The following HDAC9 variants were observed in gnomAD, a reference collection of about 807,000 sequenced individuals.
HDAC9 encodes MEF-2 interacting transcription repressor (MITR) protein.
A neutral mutation model predicts 139.4 loss-of-function variants in HDAC9; 41 were observed. The ratio of observed to expected loss-of-function variants is 0.29; its 90% confidence interval spans 0.23 to 0.38. The LOEUF (loss-of-function observed/expected upper bound fraction) is 0.38, where lower values mean the gene tolerates loss of function less well. Among genes scored for constraint, HDAC9 ranks in the 10% least tolerant of loss-of-function variants. The pLI is 1.00. For synonymous variants in HDAC9, 517 were observed against 476.2 expected, an observed-to-expected ratio of 1.09 and a Z score of -1.12; for missense variants, 1,147 against 1,297.0, an observed-to-expected ratio of 0.88 and a Z score of 1.78.
intron 5 of HDAC9, 115 bp downstream of exon 5, chr7:18,591,757 A>C: frequency 7.3e-7 from 1 of 1,362,476 alleles, no homozygotes; most frequent in Non-Finnish European, 1.0e-6. Flanking sequence ...GGCTGTGGGC[A>C]AGTTCCTTCA....
chr7:18,923,394 T>C (rs1044633501), intron 22 of HDAC9, among the ~76,000 whole-genome samples: 4 of 152,084 alleles, frequency 2.6e-5, no homozygotes, highest in African/African-American at 9.7e-5. Context: ...TATAGACCCT[T>C]GTTGAAAGAT....
At chr7:18,090,921 A>T in intron 1 of HDAC9, among the ~76,000 whole-genome samples, 1 of 152,136 alleles carries the variant, frequency 6.6e-6, no homozygotes, top group Non-Finnish European at 1.5e-5. Flanking sequence ...TCTCCTTCAA[A>T]TCCCACTAGA....
chr7:18,135,255 CTT>C lies in HDAC9; in HGVS notation c.-96-26959_-96-26958del, dbSNP rs145963913. ...TGTGTTTGTTTGCAAAAATTTCTTT[CTT>C]TTTTTTTTTTTTTTAAAAAGGTAGT... On this transcript the variant is annotated intron_variant, in intron 1 of 12. Coordinates refer to the HDAC9 transcript ENST00000417496. Among the ~76,000 whole-genome samples the C allele has an allele frequency of 1.3e-3, 168 of 129,432 alleles. 2 individuals are homozygous for C. Among genetic ancestry groups the C allele is most frequent in the Middle Eastern group, 4.8e-3 (1 of 208 alleles). 84.9% of individuals were successfully genotyped at this position (129,432 alleles called of 152,430 possible).
At chr7:18,877,142 C>G (rs1056678271) in intron 22 of HDAC9, among the ~76,000 whole-genome samples, 1 of 152,086 alleles carries the variant, frequency 6.6e-6, no homozygotes, top group East Asian at 1.9e-4. Flanking sequence ...ATCTGGGCAA[C>G]TGTATATATT....
At chr7:18,943,966 C>G (rs1563075661) in intron 23 of HDAC9, among the ~76,000 whole-genome samples, 1 of 152,038 alleles carries the variant, frequency 6.6e-6, no homozygotes, top group Admixed American at 6.5e-5. Flanking sequence ...CTGATATTTC[C>G]CCCAATCTAT....
intron 16 of HDAC9, among the ~76,000 whole-genome samples, chr7:18,791,275 G>A (rs973810030): frequency 1.9e-4 from 29 of 150,892 alleles, no homozygotes; most frequent in African/African-American, 6.7e-4. Context: ...TTGAGTCACC[G>A]AATACATCTT....
chr7:18,346,238 T>C (rs1782411459), intron 1 of HDAC9, among the ~76,000 whole-genome samples: 1 of 152,284 alleles, frequency 6.6e-6, no homozygotes, highest in Admixed American at 6.5e-5. Flanking sequence ...AAATGTCTTA[T>C]GAATTATAAA....
chr7:18,986,385 A>G (rs1585487780), intron 25 of HDAC9, among the ~76,000 whole-genome samples: 1 of 50,626 alleles, frequency 2.0e-5, no homozygotes, highest in Non-Finnish European at 4.0e-5. Flanking sequence ...AGTTGTAGAT[A>G]TGTGGCATTA....
At chr7:18,433,620 A>G (rs1481069587) in intron 1 of HDAC9, among the ~76,000 whole-genome samples, 1 of 152,156 alleles carries the variant, frequency 6.6e-6, no homozygotes, top group East Asian at 1.9e-4. Context: ...CTGTACACCA[A>G]CAACATCCAA....
At chr7:18,433,890 C>G (rs1441633569) in intron 1 of HDAC9, among the ~76,000 whole-genome samples, 2 of 152,152 alleles carry the variant, frequency 1.3e-5, no homozygotes, top group African/African-American at 4.8e-5. Context: ...AAACTACCAA[C>G]CTTTTTCACA....
chr7:18,941,112 C>T (rs949876386), intron 23 of HDAC9, among the ~76,000 whole-genome samples: 3 of 151,814 alleles, frequency 2.0e-5, no homozygotes, highest in African/African-American at 7.2e-5. Context: ...TTTTGATTTC[C>T]CTCACTCTTT....
chr7:18,468,000 A>G (rs2128116995), intron 1 of HDAC9, among the ~76,000 whole-genome samples: 1 of 152,170 alleles, frequency 6.6e-6, no homozygotes, highest in East Asian at 1.9e-4. Context: ...TCATGGTTAG[A>G]CTTAGGTTAT....
chr7:18,479,827 A>G lies in HDAC9; in HGVS notation c.-41-16435A>G, dbSNP rs1563029515. ...TAACATTATTTTAATATTATGTAAT[A>G]TGGTAATGGTTTATTATATTACATA... is the stretch of plus-strand genomic sequence containing the variant. On this transcript the variant is annotated intron_variant, in intron 1 of 3. Transcript: ENST00000413509. 2.6e-5 allele frequency among the ~76,000 whole-genome samples: 4 copies of G among 152,012 alleles called. No homozygotes were observed. In the South Asian group the frequency reaches 8.3e-4, roughly 31 times the overall value.
At chr7:18,518,311 C>G (rs1803888517) in intron 2 of HDAC9, among the ~76,000 whole-genome samples, 1 of 152,178 alleles carries the variant, frequency 6.6e-6, no homozygotes, top group African/African-American at 2.4e-5. Context: ...CCCAAGGGAT[C>G]TGTGAATGAG....
chr7:18,240,181 C>T (rs1794097566), intron 2 of HDAC9, among the ~76,000 whole-genome samples: 1 of 152,076 alleles, frequency 6.6e-6, no homozygotes. Flanking sequence ...TTTATAACTG[C>T]AAATACTGTA....
At chr7:18,208,682 A>G (rs531246540) in intron 2 of HDAC9, among the ~76,000 whole-genome samples, 1 of 152,162 alleles carries the variant, frequency 6.6e-6, no homozygotes, top group Non-Finnish European at 1.5e-5. Context: ...GGCCTGTAAT[A>G]TATTTTAAAT....
chr7:18,735,661 G>A lies in HDAC9; in HGVS notation c.1909+7904G>A, dbSNP rs972764320. 1.2e-4 allele frequency among the ~76,000 whole-genome samples: 18 copies of A among 152,162 alleles called. 1 individual carries two copies. Among genetic ancestry groups the A allele is most frequent in the Non-Finnish European group, 2.5e-4 (17 of 68,030 alleles). On this transcript the variant is annotated intron_variant, in intron 13 of 25. Coordinates refer to ENST00000686413, the MANE Select transcript of HDAC9 (RefSeq NM_178425.4). Reference sequence around the variant, plus strand: ...TGCCTTATAGTATACTTTGAAGTCAGGTAGCATCATGCCTCCAGGTTTGTT... The same window carrying A: ...TGCCTTATAGTATACTTTGAAGTCAAGTAGCATCATGCCTCCAGGTTTGTT...
rs578166463 is a variant in HDAC9 at position 18,405,809 on chromosome 7, G to A, written c.-41-90453G>A. Among the ~76,000 whole-genome samples the A allele has an allele frequency of 8.5e-5, 13 of 152,134 alleles. No homozygotes were observed. In the South Asian group the frequency reaches 2.1e-3, roughly 24 times the overall value. On this transcript the variant is annotated intron_variant, in intron 1 of 3. Transcript: ENST00000413509. ...ACTTTAGCACTTGAACTAAAATACC[G>A]CTTTAGCACTTTAACCTGTAGCATA...
intron 21 of HDAC9, among the ~76,000 whole-genome samples, chr7:18,859,928 G>C (rs1377103859): frequency 6.9e-6 from 1 of 145,642 alleles, no homozygotes; most frequent in Non-Finnish European, 1.5e-5. Context: ...TTTAGCCAAA[G>C]TCCTTTGGCT....
Sources: gnomAD v4.1 joint callset for allele counts (sites outside exome capture counted in the v4.1 genomes callset) on GRCh38, gnomAD v4.1.1 for gene constraint, MANE v1.5 for transcripts, NCBI Gene and HGNC (gene_info 2026-07-23, HGNC 2026-07-21) for gene names.